DTNB: variants seen among roughly 807,000 people sequenced by gnomAD.
DTNB encodes the protein dystrobrevin beta.
Under a neutral mutation model 90.7 loss-of-function variants are expected in DTNB, and 63 were observed. The ratio of observed to expected loss-of-function variants is 0.69; its 90% confidence interval spans 0.57 to 0.86. DTNB has a LOEUF of 0.86. Among genes scored for constraint, DTNB ranks in the 40% least tolerant of loss-of-function variants. DTNB has a pLI of 0.00. For missense variants in DTNB, 744 were observed against 807.1 expected, an observed-to-expected ratio of 0.92 and a Z score of 0.95; for synonymous variants, 277 against 286.7, an observed-to-expected ratio of 0.97 and a Z score of 0.34.
chr2:25,504,423 GGAAA>G lies in DTNB; in HGVS notation c.1002-21554_1002-21551del, dbSNP rs1365975157. 3.0e-5 allele frequency among the ~76,000 whole-genome samples: 4 copies of G among 133,280 alleles called. No homozygotes were observed. The South Asian group carries it at 9.6e-4, about 32-fold the overall frequency. The allele number at this position is 133,280 out of a possible 152,430, so 87.4% of individuals were successfully genotyped here. A position where few individuals can be genotyped will look rare whatever the true frequency, so the allele number is the denominator to read the frequency against. On this transcript the variant is annotated intron_variant, in intron 9 of 20. Transcript: ENST00000406818. The stretch of plus-strand genomic sequence containing the variant: ...GGAAGGAAAGAAAGAAAAGAAAGAA[GGAAA>G]GAAAGAAGGAAAGAGAGAAGGAAAG...
chr2:25,620,886 C>A (rs1468493276), intron 4 of DTNB, among the ~76,000 whole-genome samples: 1 of 152,138 alleles, frequency 6.6e-6, no homozygotes, highest in Non-Finnish European at 1.5e-5. Context: ...AATAGCCAGG[C>A]ATGATGGCAC....
At chr2:25,467,261 G>C (rs947219648) in intron 10 of DTNB, among the ~76,000 whole-genome samples, 1 of 151,526 alleles carries the variant, frequency 6.6e-6, no homozygotes, top group Non-Finnish European at 1.5e-5. Context: ...AGATGTAAAG[G>C]CCTACTAAAT....
At chr2:25,436,288 T>C (rs560619585) in intron 12 of DTNB, among the ~76,000 whole-genome samples, 16 of 152,084 alleles carry the variant, frequency 1.1e-4, no homozygotes, top group African/African-American at 3.9e-4. Flanking sequence ...TGAGCTGAGA[T>C]TGTGCCACTG....
chr2:25,418,351 A>G (rs546754198), intron 16 of DTNB, among the ~76,000 whole-genome samples: 4 of 152,320 alleles, frequency 2.6e-5, no homozygotes, highest in Admixed American at 1.3e-4. Flanking sequence ...GCTAGAAATT[A>G]TAAGTATAAT....
intron 8 of DTNB, among the ~76,000 whole-genome samples, chr2:25,533,567 A>C (rs944577395): frequency 6.6e-6 from 1 of 152,188 alleles, no homozygotes; most frequent in Non-Finnish European, 1.5e-5. Flanking sequence ...TCACTTACAG[A>C]ATGAGATCTA....
At chr2:25,526,408 T>TTA (rs2077197744) in intron 9 of DTNB, among the ~76,000 whole-genome samples, 1 of 137,230 alleles carries the variant, frequency 7.3e-6, no homozygotes, top group African/African-American at 2.7e-5. Flanking sequence ...TTTTTTTTTT[T>TTA]AATTGAGACA....
chr2:25,655,845 G>A (rs2081968992), intron 1 of DTNB, among the ~76,000 whole-genome samples: 1 of 152,104 alleles, frequency 6.6e-6, no homozygotes, highest in Admixed American at 6.5e-5. Flanking sequence ...ATACACGCCT[G>A]TCAGGTAGAT....
intron 2 of DTNB, among the ~76,000 whole-genome samples, chr2:25,643,043 C>T (rs927947795): frequency 6.6e-6 from 1 of 152,092 alleles, no homozygotes; most frequent in African/African-American, 2.4e-5. Context: ...TGTGAGCCAC[C>T]GCGCCCGGCC....
chr2:25,396,731 TAAAAAAA>T (rs35592591), intron 16 of DTNB, among the ~76,000 whole-genome samples: 1 of 87,630 alleles, frequency 1.1e-5, no homozygotes, highest in African/African-American at 4.3e-5. Context: ...TAAAAGGAAC[TAAAAAAA>T]AAAAAAAAAA....
intron 5 of DTNB, among the ~76,000 whole-genome samples, chr2:25,600,143 G>A (rs752984803): frequency 2.0e-5 from 3 of 152,124 alleles, no homozygotes; most frequent in African/African-American, 4.8e-5. Flanking sequence ...GAAAATAATC[G>A]TTCATTGAAT....
chr2:25,572,691 C>A (rs1274099286), intron 8 of DTNB, among the ~76,000 whole-genome samples: 4 of 151,044 alleles, frequency 2.6e-5, no homozygotes, highest in Non-Finnish European at 4.4e-5. Flanking sequence ...AGTTTTATAG[C>A]TCAAATATTT....
At chr2:25,467,460 A>G (rs1219700770) in intron 10 of DTNB, among the ~76,000 whole-genome samples, 2 of 151,948 alleles carry the variant, frequency 1.3e-5, no homozygotes, top group Non-Finnish European at 2.9e-5. Context: ...CATCAGGCCC[A>G]GACAGGTAAA....
Position 25,576,886 on chromosome 2 carries a change from G to C in DTNB, c.828C>G (p.Ala276=), listed in dbSNP as rs373794202. The change falls in exon 8 of 21, where the codon GCC becomes GCG. Residue 276 remains alanine (A), a synonymous_variant. Coordinates refer to ENST00000406818, the MANE Select transcript of DTNB (RefSeq NM_021907.5). ...LCQNCFWRGH[A]GGPHSNQHQM... is the part of the protein sequence containing the mutation. ...GGTGCTGGTTGCTGTGAGGGCCGCC[G>C]GCATGGCCACGCCAAAAGCAATTCT... The C allele has an allele frequency of 6.2e-7, 1 of 1,613,202 alleles. No individual in the cohort carries two copies. Among genetic ancestry groups the C allele is most frequent in the Non-Finnish European group, 8.5e-7 (1 of 1,179,588 alleles).
At chr2:25,562,503 A>G (rs2058414031) in intron 8 of DTNB, among the ~76,000 whole-genome samples, 1 of 152,210 alleles carries the variant, frequency 6.6e-6, no homozygotes, top group Non-Finnish European at 1.5e-5. Context: ...AGAAACTGTT[A>G]AACTGTTTTC....
At chr2:25,643,646 G>C (rs776133241) in intron 2 of DTNB, among the ~76,000 whole-genome samples, 41 of 152,200 alleles carry the variant, frequency 2.7e-4, no homozygotes, top group Admixed American at 6.5e-4. Context: ...TTAGTATTCT[G>C]TGTATTACAC....
At chr2:25,593,048 A>AATGT (rs1199941687) in intron 6 of DTNB, among the ~76,000 whole-genome samples, 200 of 152,300 alleles carry the variant, frequency 1.3e-3, no homozygotes, top group African/African-American at 4.4e-3. Context: ...CAGGAGGCAA[A>AATGT]ACGTCTTCAC....
rs546246639 is a variant in DTNB at position 25,424,218 on chromosome 2, A to T, written c.1554+3317T>A. 6.6e-6 allele frequency among the ~76,000 whole-genome samples: 1 copy of T among 152,210 alleles called. No individual in the cohort carries two copies. The highest frequency in any genetic ancestry group is 1.5e-5 in the Non-Finnish European group (1 of 68,042). On this transcript the variant is annotated intron_variant, in intron 15 of 20. Coordinates refer to ENST00000406818, the MANE Select transcript of DTNB (RefSeq NM_021907.5). The surrounding 1 kb of genome is among the most constrained non-coding windows in gnomAD (Gnocchi z 4.1). Reference sequence around the variant, plus strand: ...TTTGTGTTTGCAAATTCTTCCTCCCAGTCTGAACAGCCTTAGCCTGTCAGA... The same window carrying T: ...TTTGTGTTTGCAAATTCTTCCTCCCTGTCTGAACAGCCTTAGCCTGTCAGA...
chr2:25,558,022 G>T (rs912588046), intron 8 of DTNB, among the ~76,000 whole-genome samples: 11 of 152,312 alleles, frequency 7.2e-5, no homozygotes, highest in South Asian at 2.1e-4. Context: ...TGAGGGGCAT[G>T]TAAAAGCCGG....
chr2:25,419,435 A>G, intron 16 of DTNB, 80 bp downstream of exon 16: 1 of 1,545,820 alleles, frequency 6.5e-7, no homozygotes, highest in Non-Finnish European at 8.8e-7. Context: ...TGCGGGGAGA[A>G]GAGGAGAAAC....
Sources: allele counts gnomAD v4.1 joint callset (sites outside exome capture counted in the v4.1 genomes callset), GRCh38; gene constraint gnomAD v4.1.1; non-coding constraint Gnocchi (gnomAD v3.1); transcripts MANE v1.5; gene names NCBI Gene and HGNC (gene_info 2026-07-23, HGNC 2026-07-21).